The following LRMDA variants were observed in gnomAD, a reference collection of about 807,000 sequenced individuals.
LRMDA encodes leucine-rich melanocyte differentiation-associated protein.
In LRMDA, 18 loss-of-function variants were observed where a neutral mutation model predicts 29.8. That is an observed-to-expected ratio of 0.60 (90% CI 0.42 to 0.90). The LOEUF (loss-of-function observed/expected upper bound fraction) is 0.90, where lower values mean the gene tolerates loss of function less well. Among genes scored for constraint, LRMDA ranks in the 40% least tolerant of loss-of-function variants. LRMDA has a pLI of 0.00. For synonymous variants in LRMDA, 125 were observed against 109.4 expected, an observed-to-expected ratio of 1.14 and a Z score of -0.89; for missense variants, 273 against 273.9, an observed-to-expected ratio of 1.00 and a Z score of 0.02.
At chr10:76,183,532 T>C (rs1851091896) in intron 5 of LRMDA, among the ~76,000 whole-genome samples, 1 of 152,110 alleles carries the variant, frequency 6.6e-6, no homozygotes, top group African/African-American at 2.4e-5. Flanking sequence ...AAAACTGAAA[T>C]CAGCTGCATA....
chr10:76,402,994 T>C (rs1841865016), intron 6 of LRMDA, among the ~76,000 whole-genome samples: 1 of 151,864 alleles, frequency 6.6e-6, no homozygotes, highest in Non-Finnish European at 1.5e-5. Flanking sequence ...TGGATTTGTT[T>C]CAGAGGTCAC....
intron 2 of LRMDA, chr10:75,742,748 T>C (rs1264491566): frequency 6.6e-6 from 1 of 152,198 alleles, no homozygotes; most frequent in Non-Finnish European, 1.5e-5. Flanking sequence ...ATTGAGATTA[T>C]CTGAGAAACT....
At chr10:76,440,450 T>C (rs1193583056) in intron 6 of LRMDA, among the ~76,000 whole-genome samples, 11 of 152,154 alleles carry the variant, frequency 7.2e-5, no homozygotes, top group Admixed American at 6.5e-4. Flanking sequence ...AGACCTGAAA[T>C]AAGGTCAGCC....
chr10:75,527,899 C>T (rs959554217), intron 2 of LRMDA, among the ~76,000 whole-genome samples: 10 of 151,824 alleles, frequency 6.6e-5, no homozygotes, highest in South Asian at 2.1e-4. Context: ...TCTCTCACTT[C>T]GGCCTCCCAA....
At chr10:75,866,055 G>C (rs962776913) in intron 2 of LRMDA, among the ~76,000 whole-genome samples, 8 of 152,140 alleles carry the variant, frequency 5.3e-5, no homozygotes, top group African/African-American at 1.9e-4. Context: ...GTTAGAAAAG[G>C]ATTGACAGAG....
chr10:75,528,719 A>C (rs149648717), intron 2 of LRMDA, among the ~76,000 whole-genome samples: 11 of 152,266 alleles, frequency 7.2e-5, no homozygotes, highest in African/African-American at 2.6e-4. Flanking sequence ...TTTATGAGAA[A>C]CCTCTAGCAT....
intron 5 of LRMDA, among the ~76,000 whole-genome samples, chr10:76,066,041 G>A (rs1238648890): frequency 6.6e-6 from 1 of 152,228 alleles, no homozygotes; most frequent in Non-Finnish European, 1.5e-5. Flanking sequence ...AAGCCACTAA[G>A]ATTTTGAGCA....
At chr10:75,509,241 C>A (rs568031614) in intron 2 of LRMDA, among the ~76,000 whole-genome samples, 26 of 151,992 alleles carry the variant, frequency 1.7e-4, no homozygotes, top group Non-Finnish European at 2.9e-4. Context: ...CAGAAACCCA[C>A]GTGGCTAGAG....
chr10:76,453,363 G>A (rs1034030964), intron 6 of LRMDA, among the ~76,000 whole-genome samples: 3 of 152,220 alleles, frequency 2.0e-5, no homozygotes, highest in Admixed American at 2.0e-4. Flanking sequence ...TCATGGCAAA[G>A]TGTATATGAA....
intron 5 of LRMDA, among the ~76,000 whole-genome samples, chr10:76,088,209 G>A (rs1408386432): frequency 6.6e-6 from 1 of 152,170 alleles, no homozygotes; most frequent in Admixed American, 6.5e-5. Flanking sequence ...CATCACTGCT[G>A]TAATCTAGCC....
chr10:75,594,886 C>CT (rs2132086866), intron 2 of LRMDA, among the ~76,000 whole-genome samples: 1 of 152,258 alleles, frequency 6.6e-6, no homozygotes, highest in South Asian at 2.1e-4. Context: ...TTAGGTGAGA[C>CT]TCCCTGTTTT....
chr10:76,350,929 C>G (rs1481010148), intron 6 of LRMDA, among the ~76,000 whole-genome samples: 1 of 152,084 alleles, frequency 6.6e-6, no homozygotes, highest in Non-Finnish European at 1.5e-5. Flanking sequence ...GAAGTAGAAT[C>G]TGAATCCAAA....
intron 5 of LRMDA, among the ~76,000 whole-genome samples, chr10:76,262,777 A>T (rs1839960213): frequency 6.6e-6 from 1 of 152,124 alleles, no homozygotes; most frequent in Non-Finnish European, 1.5e-5. Flanking sequence ...CTCTTGACAA[A>T]TTCATGCTTT....
At chr10:75,454,535 G>T (rs1272371601) in intron 2 of LRMDA, among the ~76,000 whole-genome samples, 2 of 152,160 alleles carry the variant, frequency 1.3e-5, no homozygotes, top group Non-Finnish European at 2.9e-5. Flanking sequence ...GCCTGGTGGG[G>T]TGTTAATTTT....
chr10:76,544,955 A>G lies in LRMDA; in HGVS notation c.602-12254A>G, dbSNP rs117047283. 2.3e-4 allele frequency among the ~76,000 whole-genome samples: 35 copies of G among 152,272 alleles called. No individual in the cohort carries two copies. The East Asian group carries it at 6.2e-3, about 27-fold the overall frequency. The stretch of plus-strand genomic sequence containing the variant: ...CAGATTCCCTTTGTTTTCTTTTCAG[A>G]GAAAGCAATTTAGGGTGTGCTGGAA... On this transcript the variant is annotated intron_variant, in intron 6 of 6. Coordinates refer to ENST00000611255, the MANE Select transcript of LRMDA (RefSeq NM_001305581.2).
chr10:76,407,281 G>A (rs564138126), intron 6 of LRMDA, among the ~76,000 whole-genome samples: 1 of 152,278 alleles, frequency 6.6e-6, no homozygotes, highest in East Asian at 1.9e-4. Context: ...GGAAGACTCT[G>A]TCCTATCCTA....
At position 76,261,067 on chromosome 10, in the gene LRMDA, T is replaced by TTTC. The variant is rs1554860000; in HGVS notation, c.517-63332_517-63331insCTT. 2.8e-3 allele frequency among the ~76,000 whole-genome samples: 401 copies of TTTC among 142,534 alleles called. 23 individuals are homozygous for TTTC. In the East Asian group the frequency reaches 0.062, roughly 22 times the overall value. 93.5% of individuals were successfully genotyped at this position (142,534 alleles called of 152,430 possible). On this transcript the variant is annotated intron_variant, in intron 5 of 6. Coordinates refer to ENST00000611255, the MANE Select transcript of LRMDA (RefSeq NM_001305581.2). Reference sequence around the variant, plus strand: ...TGACTTGCGTTTCTTTTCTTTTCTTTTTTTTTTTTTTTTTTGAGACGGAGT... The same window carrying TTTC: ...TGACTTGCGTTTCTTTTCTTTTCTTTTTCTTTTTTTTTTTTTTTGAGACGGAGT...
chr10:76,187,606 G>A (rs1851172699), intron 5 of LRMDA, among the ~76,000 whole-genome samples: 1 of 152,188 alleles, frequency 6.6e-6, no homozygotes, highest in Admixed American at 6.5e-5. Context: ...ATCAAATAGA[G>A]TAATTCTGGG....
intron 2 of LRMDA, among the ~76,000 whole-genome samples, chr10:75,882,439 GA>G (rs1244412247): frequency 6.6e-6 from 1 of 152,146 alleles, no homozygotes; most frequent in East Asian, 1.9e-4. Flanking sequence ...GTTTGGCATA[GA>G]AATGAGGACA....
Sources: allele counts gnomAD v4.1 joint callset (sites outside exome capture counted in the v4.1 genomes callset), GRCh38; gene constraint gnomAD v4.1.1; transcripts MANE v1.5; gene names NCBI Gene and HGNC (gene_info 2026-07-23, HGNC 2026-07-21).